FRYL: variants seen among roughly 807,000 people sequenced by gnomAD.
The protein encoded by FRYL is FRY like transcription coactivator.
Under a neutral mutation model 351.2 loss-of-function variants are expected in FRYL, and 150 were observed. The observed-to-expected ratio is 0.43, with a 90% CI of 0.37 to 0.49. The LOEUF is 0.49. Ranked by LOEUF, FRYL falls within the 20% of genes least tolerant of loss-of-function variation. The probability of loss-of-function intolerance (pLI) is 0.00; values close to 1 mark genes in which losing one functional copy is unlikely to be tolerated. For synonymous variants in FRYL, 1,153 were observed against 1,257.1 expected (o/e 0.92, Z 1.75); for missense variants, 3,036 against 3,619.3 (o/e 0.84, Z 4.13).
At position 48,557,019 on chromosome 4, in the gene FRYL, T is replaced by C. The variant is rs748290351; in HGVS notation, c.4225A>G (p.Ser1409Gly). 5 of 1,608,404 alleles carry C rather than the reference T, an allele frequency of 3.1e-6. No individual in the cohort carries two copies. In the Admixed American group the frequency reaches 8.4e-5, roughly 27 times the overall value. Residue 1409 changes from serine to glycine, a missense_variant, in exon 35 of 64, where the codon AGC becomes GGC. Physicochemically the swap from Ser to Gly is moderately conservative, Grantham distance 56 (BLOSUM62 0). Around this residue, in one of 7 missense-constraint regions of FRYL, gnomAD observed 1,987 missense variants for 2,311.7 expected, o/e 0.86. Coordinates refer to ENST00000358350, the MANE Select transcript of FRYL (RefSeq NM_015030.2). Reference protein sequence around the residue: ...NLKIILHFLISICGVNSEPSL... With the variant: ...NLKIILHFLIGICGVNSEPSL... ...GGTTCGCTATTCACCCCACAAATGCTGATCAAAAAGTGCAAAATTATTTTC... is the reference window on the plus strand; with the variant it reads ...GGTTCGCTATTCACCCCACAAATGCCGATCAAAAAGTGCAAAATTATTTTC...
chr4:48,673,455 A>G (rs1245578554), intron 3 of FRYL, among the ~76,000 whole-genome samples: 3 of 152,160 alleles, frequency 2.0e-5, no homozygotes, highest in African/African-American at 4.8e-5. Context: ...AGATGTCATC[A>G]TTGGATACTG....
intron 3 of FRYL, among the ~76,000 whole-genome samples, chr4:48,658,490 C>T (rs1422403314): frequency 6.6e-6 from 1 of 150,542 alleles, no homozygotes; most frequent in Admixed American, 6.7e-5. Flanking sequence ...GTAATCCCAA[C>T]ACTCTGGGGG....
chr4:48,552,848 A>C lies in FRYL; in HGVS notation c.4435+367T>G, dbSNP rs1392933186. 2.0e-5 allele frequency among the ~76,000 whole-genome samples: 3 copies of C among 152,148 alleles called. No homozygotes were observed. The East Asian group carries it at 5.8e-4, about 29-fold the overall frequency. On this transcript the variant is annotated intron_variant, in intron 36 of 63. Coordinates refer to ENST00000358350, the MANE Select transcript of FRYL (RefSeq NM_015030.2). Reference sequence around the variant, plus strand: ...AACATTTAAAGTAAACTGAGTAACAAAGAGTTTAACAGAAATTTCATCTAC... The same window carrying C: ...AACATTTAAAGTAAACTGAGTAACACAGAGTTTAACAGAAATTTCATCTAC...
chr4:48,573,877 G>C (rs948477775), intron 25 of FRYL, among the ~76,000 whole-genome samples: 19 of 152,054 alleles, frequency 1.2e-4, no homozygotes, highest in African/African-American at 4.6e-4. Context: ...CACTAACATA[G>C]TTAATTTTAT....
At chr4:48,534,517 G>A in intron 49 of FRYL, 28 bp downstream of exon 49, 1 of 1,547,360 alleles carries the variant, frequency 6.5e-7, no homozygotes. Flanking sequence ...GATGAAAAAT[G>A]TTATATGTAA....
At chr4:48,572,254 T>C (rs1267551066) in intron 26 of FRYL, among the ~76,000 whole-genome samples, 2 of 152,202 alleles carry the variant, frequency 1.3e-5, no homozygotes, top group African/African-American at 2.4e-5. Context: ...TCTCATTCAA[T>C]AGACCCAGGA....
intron 26 of FRYL, chr4:48,572,027 C>T (rs1738437775): frequency 7.1e-6 from 7 of 979,094 alleles, no homozygotes; most frequent in Non-Finnish European, 7.3e-6. Context: ...AATAGGAATA[C>T]TATCATGACC....
chr4:48,563,921 G>T, intron 31 of FRYL, 27 bp downstream of exon 31: 1 of 1,590,394 alleles, frequency 6.3e-7, no homozygotes, highest in Non-Finnish European at 8.5e-7. Flanking sequence ...AGAACAAAAT[G>T]AAACAAAAAA....
intron 1 of FRYL, among the ~76,000 whole-genome samples, chr4:48,736,089 G>A (rs1325996842): frequency 6.6e-6 from 1 of 151,656 alleles, no homozygotes; most frequent in Non-Finnish European, 1.5e-5. Context: ...CAAAATACTT[G>A]GAGATTAAAC....
intron 1 of FRYL, among the ~76,000 whole-genome samples, chr4:48,711,103 A>C (rs1376696397): frequency 6.6e-6 from 1 of 152,210 alleles, no homozygotes; most frequent in Non-Finnish European, 1.5e-5. Flanking sequence ...GCCGAATAGG[A>C]ACAGCTCCGG....
intron 37 of FRYL, among the ~76,000 whole-genome samples, 166 bp from the exon 38 acceptor site, chr4:48,550,870 G>A (rs1159896420): frequency 1.3e-5 from 2 of 152,120 alleles, no homozygotes; most frequent in Non-Finnish European, 2.9e-5. Flanking sequence ...TCAGGAGATC[G>A]AGACCATCCT....
At chr4:48,619,106 G>T in intron 7 of FRYL, 168 bp downstream of exon 7, 1 of 563,490 alleles carries the variant, frequency 1.8e-6, no homozygotes. Context: ...TAACAGATAG[G>T]TACAGGGCAG....
intron 1 of FRYL, among the ~76,000 whole-genome samples, chr4:48,746,294 C>T (rs1443277122): frequency 1.3e-5 from 2 of 151,854 alleles, no homozygotes; most frequent in African/African-American, 2.4e-5. Flanking sequence ...CAGCTGGGCA[C>T]GGTGGCTCAC....
At chr4:48,766,816 C>G (rs1318595878) in intron 1 of FRYL, among the ~76,000 whole-genome samples, 1 of 151,730 alleles carries the variant, frequency 6.6e-6, no homozygotes, top group Non-Finnish European at 1.5e-5. Context: ...CCTTTAAATA[C>G]CAGTTTTCAA....
intron 5 of FRYL, among the ~76,000 whole-genome samples, chr4:48,622,541 A>T (rs1159684108): frequency 6.6e-6 from 1 of 152,164 alleles, no homozygotes; most frequent in Non-Finnish European, 1.5e-5. Context: ...TTATTTAGTC[A>T]ATTAGCCTGA....
At chr4:48,551,871 G>C (rs987926953) in intron 36 of FRYL, among the ~76,000 whole-genome samples, 1 of 152,154 alleles carries the variant, frequency 6.6e-6, no homozygotes, top group African/African-American at 2.4e-5. Flanking sequence ...ACTTCCAAAA[G>C]GTAGCATCGA....
chr4:48,623,260 GT>G, intron 4 of FRYL, 81 bp from the exon 5 acceptor site: 1 of 824,986 alleles, frequency 1.2e-6, no homozygotes, highest in Non-Finnish European at 1.8e-6. Context: ...ATAATAAACA[GT>G]TTAGATTTGT....
chr4:48,576,102 T>G lies in FRYL; in HGVS notation c.2649A>C (p.Ala883=). ...SAATSSSSTS[A]GSVRCSPPET... The stretch of plus-strand genomic sequence containing the variant: ...CAGGAGGAGAACATCTCACAGAACC[T>G]GCAGATGTGGAAGATGACGATGTTG... Residue 883 remains alanine (A), a synonymous_variant, in exon 24 of 64, where the codon GCA becomes GCC. Coordinates refer to ENST00000358350, the MANE Select transcript of FRYL (RefSeq NM_015030.2). 1.2e-6 allele frequency: 2 copies of G among 1,613,916 alleles called. No homozygotes were observed. The highest frequency in any genetic ancestry group is 1.7e-6 in the Non-Finnish European group (2 of 1,179,878).
At chr4:48,563,067 G>A (rs533431189) in intron 31 of FRYL, 79 bp from the exon 32 acceptor site, 2 of 932,172 alleles carry the variant, frequency 2.1e-6, no homozygotes, top group East Asian at 2.4e-5. Flanking sequence ...GATATGCAAA[G>A]GGCAAGGCTT....
Sources: gnomAD v4.1 joint callset for allele counts (sites outside exome capture counted in the v4.1 genomes callset) on GRCh38, gnomAD v4.1.1 for gene constraint, gnomAD v4.1.1 regional missense constraint, MANE v1.5 for transcripts, NCBI Gene and HGNC (gene_info 2026-07-23, HGNC 2026-07-21) for gene names.